LTA4H: variants seen among roughly 807,000 people sequenced by gnomAD.
LTA4H encodes leukotriene A-4 hydrolase.
A neutral mutation model predicts 89.8 loss-of-function variants in LTA4H; 59 were observed. The ratio of observed to expected loss-of-function variants is 0.66; its 90% CI spans 0.53 to 0.82. The LOEUF (loss-of-function observed/expected upper bound fraction) is 0.82, where lower values mean the gene tolerates loss of function less well. Among genes scored for constraint, LTA4H ranks in the 40% least tolerant of loss-of-function variants. The probability of loss-of-function intolerance (pLI) is 0.00; values close to 1 mark genes in which losing one functional copy is unlikely to be tolerated. For missense variants in LTA4H, 617 were observed against 727.0 expected (o/e 0.85, Z 1.74); for synonymous variants, 227 against 253.1 (o/e 0.90, Z 0.98).
chr12:96,012,389 C>G (rs955742124), intron 14 of LTA4H: 6 of 152,112 alleles, frequency 3.9e-5, no homozygotes, highest in African/African-American at 9.7e-5. Context: ...GGTTCAGGTC[C>G]GATTGAAGGA....
Position 96,022,396 on chromosome 12 carries a change from G to A in LTA4H, c.481-145C>T. On this transcript the variant is annotated intron_variant, in intron 4 of 18. Transcript: ENST00000228740. The surrounding 1 kb of genome is among the most constrained non-coding windows in gnomAD (Gnocchi z 4.0). ...CAAAAAGTATATACATATACAAAAA[G>A]TATATATATACACACACATATATAT... 1 of 583,490 alleles carries A rather than the reference G, an allele frequency of 1.7e-6. No homozygotes were observed. The highest frequency in any genetic ancestry group is 2.2e-5 in the South Asian group (1 of 46,498). 36.1% of individuals were successfully genotyped at this position (583,490 alleles called of 1,614,324 possible).
intron 17 of LTA4H, 41 bp from the exon 18 acceptor site, chr12:96,003,105 G>A: frequency 7.9e-7 from 1 of 1,272,616 alleles, no homozygotes; most frequent in Non-Finnish European, 1.1e-6. Context: ...TAGAAAATGA[G>A]GAAGGGGCAG....
In LTA4H at chr12:96,003,013, C is replaced by A; in HGVS notation, c.1665G>T (p.Ala555=). The change falls in exon 18 of 19, where the codon GCG becomes GCT. Residue 555 remains alanine (A), a synonymous_variant. Coordinates refer to ENST00000228740, the MANE Select transcript of LTA4H (RefSeq NM_000895.3). ...TTCCTTGTTCAGTTGCCATCTTTAG[C>A]GCCAAAGGAATTGCGTCCTCCCACT... The part of the protein sequence containing the change: ...QSKWEDAIPL[A]LKMATEQGRM... The A allele has an allele frequency of 6.2e-7, 1 of 1,605,862 alleles. No homozygotes were observed. Among genetic ancestry groups the A allele is most frequent in the Non-Finnish European group, 8.5e-7 (1 of 1,175,726 alleles).
In LTA4H at chr12:96,029,250, T is replaced by C; in HGVS notation, c.160-65A>G. 4.4e-6 allele frequency: 4 copies of C among 902,254 alleles called. No individual in the cohort carries two copies. In the East Asian group the frequency reaches 1.1e-4, roughly 26 times the overall value. The allele number at this position is 902,254 out of a possible 1,614,324, so 55.9% of individuals were successfully genotyped here. On this transcript the variant is annotated intron_variant, in intron 1 of 18. Transcript: ENST00000228740. ...TTTACCAGAAAAAACTCATATTAGA[T>C]ATAGGCTACAACAACTAGTTGCTTA...
chr12:96,008,356 T>C (rs117849480), intron 15 of LTA4H, among the ~76,000 whole-genome samples: 27 of 152,312 alleles, frequency 1.8e-4, no homozygotes, highest in Non-Finnish European at 3.7e-4. Flanking sequence ...GAAGCTCCTC[T>C]TTAAGAAGCT....
chr12:96,030,478 A>G (rs2247323), intron 1 of LTA4H, among the ~76,000 whole-genome samples: 45,938 of 152,042 alleles, frequency 0.3, 7,233 homozygotes, highest in East Asian at 0.41. Context: ...AAAAATTCCA[A>G]AAATGATTTT....
At chr12:96,028,082 TCTC>T (rs1418935837) in intron 2 of LTA4H, 2 of 152,374 alleles carry the variant, frequency 1.3e-5, no homozygotes, top group Admixed American at 1.3e-4. Flanking sequence ...TTGTATTTCA[TCTC>T]TTCTTCCTCA....
upstream of LTA4H, among the ~76,000 whole-genome samples, chr12:96,037,421 A>G (rs1013534983): frequency 6.6e-6 from 1 of 152,210 alleles, no homozygotes; most frequent in African/African-American, 2.4e-5. Flanking sequence ...CATGAAATAA[A>G]CCAGAAAGAG....
chr12:96,041,006 A>G (rs368856692), intron 1 of LTA4H, among the ~76,000 whole-genome samples: 10 of 152,226 alleles, frequency 6.6e-5, no homozygotes, highest in Non-Finnish European at 1.3e-4. Flanking sequence ...AGGTCTTACT[A>G]ACATTGCCAG....
intron 14 of LTA4H, chr12:96,010,142 A>T (rs898326760): frequency 2.0e-5 from 3 of 152,172 alleles, no homozygotes; most frequent in African/African-American, 7.2e-5. Flanking sequence ...TTGATTTCTT[A>T]AAAAATAATA....
chr12:96,041,978 T>G (rs1367888146), intron 1 of LTA4H, among the ~76,000 whole-genome samples: 1 of 113,752 alleles, frequency 8.8e-6, no homozygotes, highest in African/African-American at 4.1e-5. Flanking sequence ...TTCTTTTTGT[T>G]TTTTTTTCTT....
chr12:96,002,147 G>A (rs1056571385), intron 18 of LTA4H, among the ~76,000 whole-genome samples: 8 of 152,118 alleles, frequency 5.3e-5, no homozygotes, highest in Admixed American at 2.6e-4. Flanking sequence ...GTGAGCCACC[G>A]CGCCCGGCCC....
intron 1 of LTA4H, among the ~76,000 whole-genome samples, chr12:96,041,098 T>A (rs1274433280): frequency 6.6e-6 from 1 of 152,146 alleles, no homozygotes; most frequent in Non-Finnish European, 1.5e-5. Context: ...GATTAAAAGA[T>A]GAACGTAAGC....
At chr12:96,032,561 A>C (rs1950587161) in intron 1 of LTA4H, among the ~76,000 whole-genome samples, 1 of 152,246 alleles carries the variant, frequency 6.6e-6, no homozygotes. Flanking sequence ...GGAGGAAAGA[A>C]ACAAGTTAAC....
At chr12:96,036,979 C>T (rs1028696185), upstream of LTA4H, among the ~76,000 whole-genome samples, 2 of 152,182 alleles carry the variant, frequency 1.3e-5, no homozygotes, top group African/African-American at 2.4e-5. Flanking sequence ...CAATCAGATC[C>T]CACAAGACAC....
Position 96,035,399 on chromosome 12 carries a change from G to C in LTA4H, c.121C>G (p.Leu41Val), listed in dbSNP as rs796421652. 2 of 1,611,800 alleles carry C rather than the reference G, an allele frequency of 1.2e-6. No homozygotes were observed. Among genetic ancestry groups the C allele is most frequent in the South Asian group, 2.2e-5 (2 of 90,546 alleles). ...TRRTLTGTAA[L>V]TVQSQEDNLR... Reference sequence around the variant, plus strand: ...TTGTCCTCCTGAGACTGGACCGTGAGAGCAGCAGTCCCGGTCAGCGTCCGG... The same window carrying C: ...TTGTCCTCCTGAGACTGGACCGTGACAGCAGCAGTCCCGGTCAGCGTCCGG... Residue 41 changes from leucine to valine, a missense_variant, in exon 1 of 19, where the codon CTC becomes GTC. Around this residue, in one of 3 missense-constraint regions of LTA4H, gnomAD observed 155 missense variants for 143.3 expected, o/e 1.08. Coordinates refer to ENST00000228740, the MANE Select transcript of LTA4H (RefSeq NM_000895.3).
intron 1 of LTA4H, among the ~76,000 whole-genome samples, chr12:96,032,535 G>C (rs543249892): frequency 6.6e-6 from 1 of 152,268 alleles, no homozygotes; most frequent in East Asian, 1.9e-4. Flanking sequence ...CTACATTCAA[G>C]AGTCCACAAT....
At chr12:96,021,999 C>T (rs897633791) in intron 5 of LTA4H, 148 bp downstream of exon 5, 2 of 611,648 alleles carry the variant, frequency 3.3e-6, no homozygotes, top group Non-Finnish European at 5.8e-6. Context: ...TTTAAAAGCA[C>T]AAAAGAAAAA....
At position 96,035,388 on chromosome 12, in the gene LTA4H, C is replaced by A. The variant is rs1025846390; in HGVS notation, c.132G>T (p.Gln44His). 5 of 1,611,556 alleles carry A rather than the reference C, an allele frequency of 3.1e-6. No homozygotes were observed. Among genetic ancestry groups the A allele is most frequent in the Non-Finnish European group, 3.4e-6 (4 of 1,179,032 alleles). The change falls in exon 1 of 19, where the codon CAG (glutamine) becomes CAT (histidine). Residue 44 changes from glutamine (Q) to histidine (H), a missense_variant. Physicochemically the swap from Gln to His is conservative, Grantham distance 24 (BLOSUM62 0). Around this residue, in one of 3 missense-constraint regions of LTA4H, gnomAD observed 155 missense variants for 143.3 expected, o/e 1.08. Transcript: ENST00000228740. The part of the protein sequence containing the change: ...TLTGTAALTV[Q>H]SQEDNLRSLV... ...GGCTGCGCAGATTGTCCTCCTGAGA[C>A]TGGACCGTGAGAGCAGCAGTCCCGG...
Sources: allele counts gnomAD v4.1 joint callset (sites outside exome capture counted in the v4.1 genomes callset), GRCh38; gene constraint gnomAD v4.1.1; regional missense constraint gnomAD v4.1.1; non-coding constraint Gnocchi (gnomAD v3.1); transcripts MANE v1.5; gene names NCBI Gene and HGNC (gene_info 2026-07-23, HGNC 2026-07-21).